The following PEAK1 variants were observed in gnomAD, a reference collection of about 807,000 sequenced individuals.
PEAK1 encodes the protein inactive tyrosine-protein kinase PEAK1.
PEAK1 carries 54 observed loss-of-function variants against 124.7 expected under a neutral mutation model. That is an observed-to-expected ratio of 0.43 (90% CI 0.35 to 0.54). The LOEUF is 0.54. Among genes scored for constraint, PEAK1 ranks in the 20% least tolerant of loss-of-function variants. The pLI is 0.01. For synonymous variants in PEAK1, 719 were observed against 760.0 expected (o/e 0.95, Z 0.89); for missense variants, 2,046 against 2,134.5 (o/e 0.96, Z 0.82).
At chr15:77,248,769 A>T (rs2060708643) in intron 6 of PEAK1, among the ~76,000 whole-genome samples, 1 of 152,212 alleles carries the variant, frequency 6.6e-6, no homozygotes, top group Admixed American at 6.5e-5. Flanking sequence ...TTTCATATAT[A>T]GTAAGCACTC....
intron 1 of PEAK1, among the ~76,000 whole-genome samples, chr15:77,390,705 G>C (rs2070382206): frequency 6.6e-6 from 1 of 152,180 alleles, no homozygotes; most frequent in African/African-American, 2.4e-5. Context: ...ATCCACAAAT[G>C]AGACTATAAA....
At chr15:77,342,067 A>G (rs963306178) in intron 2 of PEAK1, among the ~76,000 whole-genome samples, 6 of 151,802 alleles carry the variant, frequency 4.0e-5, no homozygotes, top group African/African-American at 9.7e-5. Flanking sequence ...AGTAATCTTT[A>G]TATCTCCTTA....
chr15:77,351,030 G>T, intron 2 of PEAK1: 1 of 833,992 alleles, frequency 1.2e-6, no homozygotes, highest in Non-Finnish European at 1.4e-6. Context: ...ATACCATGCT[G>T]AATCAAATCA....
In PEAK1 at chr15:77,240,461, T is replaced by TA. The variant is rs202205387; in HGVS notation, c.-115+11905dup. Among the ~76,000 whole-genome samples, 27 of 149,626 alleles carry TA rather than the reference T, an allele frequency of 1.8e-4. No individual in the cohort carries two copies. The South Asian group carries it at 2.3e-3, about 13-fold the overall frequency. On this transcript the variant is annotated intron_variant, in intron 6 of 9. Coordinates refer to ENST00000682557, the MANE Select transcript of PEAK1 (RefSeq NM_001385026.1). ...ACAGGAAGTCCGTCTCTACAAAAAA[T>TA]AAAAAAAAATGAGCCTGGTGTAGTG... is the stretch of plus-strand genomic sequence containing the variant.
intron 6 of PEAK1, chr15:77,239,776 A>C: frequency 7.8e-6 from 7 of 900,014 alleles, no homozygotes; most frequent in Non-Finnish European, 9.3e-6. Context: ...GTCACATATT[A>C]CATACCTCCT....
intron 1 of PEAK1, among the ~76,000 whole-genome samples, chr15:77,395,132 TCAGA>T (rs993234861): frequency 2.0e-5 from 3 of 152,104 alleles, no homozygotes; most frequent in African/African-American, 4.8e-5. Context: ...TTTAAAAGAA[TCAGA>T]CAGAAATACT....
chr15:77,173,245 C>T (rs977838691), intron 7 of PEAK1, among the ~76,000 whole-genome samples: 10 of 152,050 alleles, frequency 6.6e-5, no homozygotes, highest in Admixed American at 3.9e-4. Flanking sequence ...AAAATAGTAA[C>T]GTTGGCATGA....
chr15:77,136,660 C>T (rs1378761826), intron 8 of PEAK1, among the ~76,000 whole-genome samples: 13 of 151,070 alleles, frequency 8.6e-5, no homozygotes, highest in East Asian at 1.9e-4. Context: ...AGTGAGACCC[C>T]GTCTCCAAAA....
chr15:77,146,498 T>G (rs954030226), intron 8 of PEAK1, among the ~76,000 whole-genome samples: 34 of 152,338 alleles, frequency 2.2e-4, no homozygotes, highest in Admixed American at 5.2e-4. Flanking sequence ...ATTATTTTTT[T>G]GGGGGTAATT....
downstream of PEAK1, chr15:77,105,164 A>C (rs1441534909): frequency 6.6e-6 from 1 of 152,260 alleles, no homozygotes; most frequent in Non-Finnish European, 1.5e-5. Context: ...GGAAAACCCA[A>C]GTCCCTATAC....
chr15:77,367,573 A>G (rs1482232460), intron 1 of PEAK1, among the ~76,000 whole-genome samples: 1 of 152,238 alleles, frequency 6.6e-6, no homozygotes, highest in Non-Finnish European at 1.5e-5. Flanking sequence ...GAAAATGCTC[A>G]TCTGTTGGGT....
chr15:77,293,337 G>T (rs1198949694), intron 2 of PEAK1, among the ~76,000 whole-genome samples: 1 of 152,044 alleles, frequency 6.6e-6, no homozygotes. Flanking sequence ...CACATTTTTT[G>T]ATATATATGT....
rs1257373096 is a variant in PEAK1, at chr15:77,114,085, A to T, written c.*71T>A. 2 of 1,492,852 alleles carry T rather than the reference A, an allele frequency of 1.3e-6. No homozygotes were observed. Among genetic ancestry groups the T allele is most frequent in the South Asian group, 2.5e-5 (2 of 81,304 alleles). The allele number at this position is 1,492,852 out of a possible 1,614,324, so 92.5% of individuals were successfully genotyped here. ...TTCTTTCCTTGAATTTGGAGTGAGC[A>T]CTAGGGAGGGGAAGTGCATGGGTGA... On this transcript the variant is annotated 3_prime_UTR_variant, in exon 10 of 10. Coordinates refer to ENST00000682557, the MANE Select transcript of PEAK1 (RefSeq NM_001385026.1).
At chr15:77,121,918 ACAACT>A (rs1429644939) in intron 9 of PEAK1, among the ~76,000 whole-genome samples, 1 of 152,228 alleles carries the variant, frequency 6.6e-6, no homozygotes, top group East Asian at 1.9e-4. Context: ...ACACAAAAGT[ACAACT>A]GCAAATGGGA....
chr15:77,228,711 A>G (rs1319153111), intron 6 of PEAK1, among the ~76,000 whole-genome samples: 1 of 152,156 alleles, frequency 6.6e-6, no homozygotes, highest in Non-Finnish European at 1.5e-5. Context: ...ATTAAAAACT[A>G]TACTTTATGA....
At chr15:77,322,832 A>C (rs1331569213) in intron 2 of PEAK1, among the ~76,000 whole-genome samples, 1 of 152,196 alleles carries the variant, frequency 6.6e-6, no homozygotes, top group Non-Finnish European at 1.5e-5. Flanking sequence ...ACAACAACAA[A>C]AAAAGAATTT....
chr15:77,117,039 T>C (rs1404613016), intron 9 of PEAK1, among the ~76,000 whole-genome samples: 1 of 152,216 alleles, frequency 6.6e-6, no homozygotes, highest in Non-Finnish European at 1.5e-5. Context: ...ACCAGGTATT[T>C]AAAAATTCTA....
At chr15:77,356,209 C>T (rs973957342) in intron 2 of PEAK1, among the ~76,000 whole-genome samples, 7 of 152,164 alleles carry the variant, frequency 4.6e-5, no homozygotes, top group African/African-American at 1.7e-4. Context: ...TATATGCATT[C>T]ATCAAATCTC....
At position 77,180,034 on chromosome 15, in the gene PEAK1, A is replaced by G; in HGVS notation, c.1893T>C (p.Asn631=). Reference sequence around the variant, plus strand: ...TAGCTAGATTGTCATATGCATTTGGATTGATAACAATGGGAACTTTGATAG... The same window carrying G: ...TAGCTAGATTGTCATATGCATTTGGGTTGATAACAATGGGAACTTTGATAG... ...KNAIKVPIVI[N]PNAYDNLAIY... Residue 631 remains asparagine, a synonymous_variant, in exon 7 of 10, where the codon AAT becomes AAC. Coordinates refer to ENST00000682557, the MANE Select transcript of PEAK1 (RefSeq NM_001385026.1). The G allele has an allele frequency of 6.2e-7, 1 of 1,614,066 alleles. No individual in the cohort carries two copies. Among genetic ancestry groups the G allele is most frequent in the Non-Finnish European group, 8.5e-7 (1 of 1,179,924 alleles).
Sources: gnomAD v4.1 joint callset for allele counts (sites outside exome capture counted in the v4.1 genomes callset) on GRCh38, gnomAD v4.1.1 for gene constraint, MANE v1.5 for transcripts, NCBI Gene and HGNC (gene_info 2026-07-23, HGNC 2026-07-21) for gene names.